Variants in RNF17 observed in about 807,000 individuals in gnomAD.
RNF17 encodes the protein ring finger protein 17, also known as spermatogenesis associated 23.
A neutral mutation model predicts 200.5 loss-of-function variants in RNF17; 31 were observed. That is an observed-to-expected ratio of 0.15 (90% CI 0.12 to 0.21). The LOEUF (loss-of-function observed/expected upper bound fraction) is 0.21. RNF17 is among the 10% of genes least tolerant of loss of function. The pLI is 1.00. For missense variants in RNF17, 1,628 were observed against 1,905.1 expected (o/e 0.85, Z 2.71); for synonymous variants, 606 against 637.8 (o/e 0.95, Z 0.75).
intron 12 of RNF17, among the ~76,000 whole-genome samples, chr13:24,799,935 CAA>C (rs1276751849): frequency 6.6e-6 from 1 of 152,092 alleles, no homozygotes; most frequent in Non-Finnish European, 1.5e-5. Flanking sequence ...TAATGTTTTT[CAA>C]AGTGTCATAC....
downstream of RNF17, chr13:24,882,912 C>CACTT (rs1953903078): frequency 1.1e-5 from 5 of 457,244 alleles, no homozygotes; most frequent in South Asian, 2.2e-5. Context: ...TAAACACACC[C>CACTT]ACTTACTGTA....
chr13:24,854,048 T>A lies in RNF17; in HGVS notation c.3514T>A (p.Tyr1172Asn), dbSNP rs1892217652. 1.9e-6 allele frequency: 3 copies of A among 1,613,976 alleles called. No homozygotes were observed. Among genetic ancestry groups the A allele is most frequent in the Non-Finnish European group, 2.5e-6 (3 of 1,179,896 alleles). The change falls in exon 25 of 36, where the codon TAT (tyrosine) becomes AAT (asparagine). Residue 1172 changes from tyrosine (Y) to asparagine (N), a missense_variant. This residue lies in a region of RNF17 where 609 missense variants were observed against 681.9 expected (regional missense o/e 0.89). Transcript: ENST00000255324. ...TCTAGAACCAAGAACCACTAGAGGGTATAAGCCACCAGCTATTCCTAACAT... is the reference window on the plus strand; with the variant it reads ...TCTAGAACCAAGAACCACTAGAGGGAATAAGCCACCAGCTATTCCTAACAT... Reference protein sequence around the residue: ...KILEPRTTRGYKPPAIPNMNV... With the variant: ...KILEPRTTRGNKPPAIPNMNV...
downstream of RNF17, chr13:24,884,235 T>C (rs1311005795): frequency 3.1e-6 from 5 of 1,614,160 alleles, no homozygotes; most frequent in Non-Finnish European, 4.2e-6. Context: ...GGCAGCTGCA[T>C]AGTAGTAGAT....
the RNF17 span, among the ~76,000 whole-genome samples, chr13:24,753,273 G>T: frequency 6.6e-6 from 1 of 152,208 alleles, no homozygotes; most frequent in South Asian, 2.1e-4. Context: ...TGTAACTGAA[G>T]AAATGAACTA....
intron 15 of RNF17, among the ~76,000 whole-genome samples, chr13:24,812,962 G>A (rs149923327): frequency 0.12 from 18,846 of 151,650 alleles, 1,281 homozygotes; most frequent in Admixed American, 0.15. Flanking sequence ...GATTACAGGC[G>A]TGAGCCACCG....
intron 6 of RNF17, among the ~76,000 whole-genome samples, chr13:24,786,208 C>T (rs1427347264): frequency 3.9e-5 from 6 of 151,960 alleles, no homozygotes; most frequent in Non-Finnish European, 7.4e-5. Context: ...TTTATGGTTA[C>T]CCATAAGGAT....
rs774511553 is a variant in RNF17 at position 24,853,979 on chromosome 13, G to A, written c.3445G>A (p.Asp1149Asn). 10 of 1,614,124 alleles carry A rather than the reference G, an allele frequency of 6.2e-6. No homozygotes were observed. The South Asian group carries it at 1.1e-4, about 18-fold the overall frequency. ...TNFDPDKKTA[D>N]IISEQKVSEF... Reference sequence around the variant, plus strand: ...CTTTGACCCTGACAAGAAAACTGCTGACATAATCAGTGAACAGAAAGTGTC... The same window carrying A: ...CTTTGACCCTGACAAGAAAACTGCTAACATAATCAGTGAACAGAAAGTGTC... The change falls in exon 25 of 36, where the codon GAC becomes AAC. Residue 1149 changes from aspartate (D) to asparagine (N), a missense_variant. Coordinates refer to ENST00000255324, the MANE Select transcript of RNF17 (RefSeq NM_031277.3).
the RNF17 span, chr13:24,885,535 A>G: frequency 7.8e-7 from 1 of 1,281,034 alleles, no homozygotes; most frequent in Non-Finnish European, 1.1e-6. Context: ...TAGAAACGTT[A>G]AGTCTATTAA....
At chr13:24,829,233 C>T (rs947403035) in intron 16 of RNF17, among the ~76,000 whole-genome samples, 1 of 152,152 alleles carries the variant, frequency 6.6e-6, no homozygotes, top group Non-Finnish European at 1.5e-5. Context: ...ATGTTTACCT[C>T]TTGAGTTTAA....
At chr13:24,762,022 G>A (rs1878785748), upstream of RNF17, among the ~76,000 whole-genome samples, 1 of 152,210 alleles carries the variant, frequency 6.6e-6, no homozygotes, top group Admixed American at 6.5e-5. Context: ...AGTGTGGAGA[G>A]AAATGTGAAG....
intron 9 of RNF17, among the ~76,000 whole-genome samples, chr13:24,790,107 A>G (rs896809697): frequency 2.0e-5 from 3 of 152,184 alleles, no homozygotes; most frequent in Admixed American, 6.5e-5. Context: ...CATAATTGCT[A>G]GGGTAATGTA....
Position 24,788,702 on chromosome 13 carries a change from C to CA in RNF17, c.783+550dup, listed in dbSNP as rs370038381. Among the ~76,000 whole-genome samples the CA allele has an allele frequency of 3.8e-3, 581 of 151,938 alleles. 2 individuals carry two copies. Among genetic ancestry groups the CA allele is most frequent in the African/African-American group, 0.013 (559 of 41,468 alleles). On this transcript the variant is annotated intron_variant, in intron 7 of 35. Transcript: ENST00000255324. ...CATGTGCCTGAGGGGTAGAATTGGGCAAAAAAACAAAAGTTTCTTATACTT... is the reference window on the plus strand; with the variant it reads ...CATGTGCCTGAGGGGTAGAATTGGGCAAAAAAAACAAAAGTTTCTTATACTT...
chr13:24,755,092 C>T, the RNF17 span, among the ~76,000 whole-genome samples: 1 of 152,050 alleles, frequency 6.6e-6, no homozygotes, highest in African/African-American at 2.4e-5. Context: ...CATTTGACTG[C>T]TGTGTTTCTT....
Position 24,764,304 on chromosome 13 carries a change from G to A in RNF17, c.101G>A (p.Arg34Lys). The A allele has an allele frequency of 1.2e-6, 2 of 1,610,832 alleles. No individual in the cohort carries two copies. Among genetic ancestry groups the A allele is most frequent in the Non-Finnish European group, 1.7e-6 (2 of 1,177,964 alleles). ...GGTGCCGCTGAAATCCAGTGCACCA[G>A]GTGTGGAAGGAGGGTATCCAGATCA... ...PWGAAEIQCT[R>K]CGRRVSRSSG... The change falls in exon 1 of 36, where the codon AGG becomes AAG. Residue 34 changes from arginine to lysine, a missense_variant. By Grantham distance (26) the Arg-to-Lys change is conservative. This residue lies in a region of RNF17 where 502 missense variants were observed against 501.7 expected (regional missense o/e 1.00). Transcript: ENST00000255324.
At position 24,851,482 on chromosome 13, in the gene RNF17, T is replaced by G; in HGVS notation, c.3231T>G (p.Pro1077=). The G allele has an allele frequency of 1.9e-6, 3 of 1,613,064 alleles. No individual in the cohort carries two copies. Among genetic ancestry groups the G allele is most frequent in the Non-Finnish European group, 8.5e-7 (1 of 1,179,452 alleles). ...SEENNTTWPL[P]VKIFCRDEKG... ...AAAACAACACAACATGGCCATTACCTGTGAAAATTTTCTGCAGAGATGAAA... is the reference window on the plus strand; with the variant it reads ...AAAACAACACAACATGGCCATTACCGGTGAAAATTTTCTGCAGAGATGAAA... The change falls in exon 24 of 36, where the codon CCT becomes CCG. Residue 1077 remains proline, a synonymous_variant. Transcript: ENST00000255324.
chr13:24,790,576 C>T (rs1169827603), intron 9 of RNF17, among the ~76,000 whole-genome samples: 3 of 152,148 alleles, frequency 2.0e-5, no homozygotes, highest in Admixed American at 2.0e-4. Context: ...TCTATTTGTG[C>T]TGCTATAACA....
At chr13:24,834,358 T>C (rs1382816188) in intron 18 of RNF17, among the ~76,000 whole-genome samples, 2 of 152,150 alleles carry the variant, frequency 1.3e-5, no homozygotes, top group East Asian at 1.9e-4. Context: ...GAAGTTGCAG[T>C]GAGCCGAGAT....
chr13:24,840,687 T>C (rs889991203), intron 18 of RNF17, among the ~76,000 whole-genome samples: 16 of 150,964 alleles, frequency 1.1e-4, no homozygotes, highest in Admixed American at 9.9e-4. Flanking sequence ...CACTGATATG[T>C]GGGAGCTAAG....
intron 11 of RNF17, among the ~76,000 whole-genome samples, chr13:24,798,382 A>T (rs1326487926): frequency 6.6e-6 from 1 of 152,172 alleles, no homozygotes; most frequent in Non-Finnish European, 1.5e-5. Flanking sequence ...GCAAAATAAG[A>T]GAAGGGTCAC....
Sources: gnomAD v4.1 joint callset for allele counts (sites outside exome capture counted in the v4.1 genomes callset) on GRCh38, gnomAD v4.1.1 for gene constraint, gnomAD v4.1.1 regional missense constraint, MANE v1.5 for transcripts, NCBI Gene and HGNC (gene_info 2026-07-23, HGNC 2026-07-21) for gene names.